LOXHD1: variants seen among roughly 807,000 people sequenced by gnomAD.
The protein encoded by LOXHD1 is lipoxygenase homology PLAT domains 1, also known as lipoxygenase homology domain-containing protein 1.
Under a neutral mutation model 248.2 loss-of-function variants are expected in LOXHD1, and 205 were observed. The ratio of observed to expected loss-of-function variants is 0.83; its 90% CI spans 0.74 to 0.93. LOXHD1 has a LOEUF of 0.93. LOXHD1 is among the 40% of genes least tolerant of loss of function. The probability of loss-of-function intolerance (pLI) is 0.00; values close to 1 mark genes in which losing one functional copy is unlikely to be tolerated. For missense variants in LOXHD1, 2,930 were observed against 2,971.6 expected (o/e 0.99, Z 0.33); for synonymous variants, 1,113 against 1,162.8 (o/e 0.96, Z 0.87).
chr18:46,550,379 C>T lies in LOXHD1; in HGVS notation c.3351-3321G>A, dbSNP rs1185281481. ...ATGAGGTCAGGAGATCGAGACCATCCTGGCTAACAAGGTGAAACCCCGTCT... is the reference window on the plus strand; with the variant it reads ...ATGAGGTCAGGAGATCGAGACCATCTTGGCTAACAAGGTGAAACCCCGTCT... On this transcript the variant is annotated intron_variant, in intron 21 of 40. Coordinates refer to ENST00000642948, the MANE Select transcript of LOXHD1 (RefSeq NM_001384474.1). 1.5e-4 allele frequency among the ~76,000 whole-genome samples: 23 copies of T among 151,812 alleles called. No individual in the cohort carries two copies. The East Asian group carries it at 4.3e-3, about 28-fold the overall frequency.
chr18:46,574,615 TAAAA>T (rs534992278), intron 14 of LOXHD1, among the ~76,000 whole-genome samples: 1 of 122,992 alleles, frequency 8.1e-6, no homozygotes, highest in African/African-American at 3.0e-5. Flanking sequence ...ACCCATTTTC[TAAAA>T]AAAAAAAAAA....
chr18:46,525,844 C>T (rs2035803261), intron 29 of LOXHD1, among the ~76,000 whole-genome samples: 1 of 152,124 alleles, frequency 6.6e-6, no homozygotes, highest in African/African-American at 2.4e-5. Flanking sequence ...CCCTCTGCCC[C>T]CAGGACCCCA....
chr18:46,642,033 G>C lies in LOXHD1; in HGVS notation c.249C>G (p.Ser83Arg). 2 of 1,552,172 alleles carry C rather than the reference G, an allele frequency of 1.3e-6. No individual in the cohort carries two copies. Among genetic ancestry groups the C allele is most frequent in the Non-Finnish European group, 1.7e-6 (2 of 1,147,032 alleles). Residue 83 changes from serine (S) to arginine (R), a missense_variant, in exon 3 of 41, where the codon AGC (serine) becomes AGG (arginine). Coordinates refer to ENST00000642948, the MANE Select transcript of LOXHD1 (RefSeq NM_001384474.1). ...LSPKLQLTSK[S>R]KSAFEKGNVD... The stretch of plus-strand genomic sequence containing the variant: ...CGTTGCCCTTCTCAAAGGCAGACTT[G>C]CTCCTGCAATGAACACGTGCAGTTA...
chr18:46,509,236 G>A (rs1035261787), intron 35 of LOXHD1, among the ~76,000 whole-genome samples: 4 of 152,102 alleles, frequency 2.6e-5, no homozygotes, highest in East Asian at 1.9e-4. Context: ...GGGTGCTGAC[G>A]GCCAAGCTCA....
intron 36 of LOXHD1, among the ~76,000 whole-genome samples, chr18:46,507,074 G>A (rs1054470994): frequency 2.6e-5 from 4 of 152,176 alleles, no homozygotes; most frequent in Admixed American, 6.5e-5. Context: ...GAGCGTCACC[G>A]CACTGCACTG....
chr18:46,501,788 GT>G (rs1379990690), intron 37 of LOXHD1, among the ~76,000 whole-genome samples: 1 of 152,140 alleles, frequency 6.6e-6, no homozygotes, highest in Non-Finnish European at 1.5e-5. Context: ...TAATTGATTT[GT>G]TAACAGAAAT....
chr18:46,608,418 A>C (rs969534713), intron 6 of LOXHD1, among the ~76,000 whole-genome samples: 3 of 152,200 alleles, frequency 2.0e-5, no homozygotes, highest in Admixed American at 2.0e-4. Flanking sequence ...CATGTGACCA[A>C]GAAGGAACCT....
chr18:46,560,052 T>TGCCCCCCCCCCC, intron 19 of LOXHD1, 31 bp downstream of exon 19: 2 of 441,126 alleles, frequency 4.5e-6, no homozygotes, highest in Non-Finnish European at 7.2e-6. Flanking sequence ...GGCCACTCCC[T>TGCCCCCCCCCCC]CCCCACCCCC....
In LOXHD1 at chr18:46,566,466, T is replaced by G. The variant is rs2037644146; in HGVS notation, c.2245-17A>C. 5.8e-6 allele frequency: 9 copies of G among 1,545,044 alleles called. No individual in the cohort carries two copies. The highest frequency in any genetic ancestry group is 7.9e-6 in the Non-Finnish European group (9 of 1,145,892). On this transcript the variant is annotated splice_polypyrimidine_tract_variant and intron_variant, in intron 16 of 40. Coordinates refer to ENST00000642948, the MANE Select transcript of LOXHD1 (RefSeq NM_001384474.1). The stretch of plus-strand genomic sequence containing the variant: ...CCGGTTGATCTGAAGGAAACCCGAG[T>G]GAGGGTGAGCAAGGAGCCAGTGTGT...
intron 8 of LOXHD1, among the ~76,000 whole-genome samples, chr18:46,595,805 T>C (rs750895971): frequency 2.6e-5 from 4 of 152,232 alleles, no homozygotes; most frequent in African/African-American, 4.8e-5. Flanking sequence ...CTTTCTTTCC[T>C]CTCAACAAAT....
chr18:46,510,019 G>A (rs1376424431), intron 34 of LOXHD1, among the ~76,000 whole-genome samples: 1 of 152,190 alleles, frequency 6.6e-6, no homozygotes, highest in African/African-American at 2.4e-5. Flanking sequence ...AGTTTGGCTA[G>A]TAGAAATGGC....
Position 46,639,015 on chromosome 18 carries a change from G to A in LOXHD1, c.511+601C>T, listed in dbSNP as rs201273847. ...GAAAAGCAAATATGTTCTGTGATGG[G>A]ATGAGATGAGGCCAGAACTTTGGGG... On this transcript the variant is annotated intron_variant, in intron 4 of 40. Coordinates refer to ENST00000642948, the MANE Select transcript of LOXHD1 (RefSeq NM_001384474.1). Among the ~76,000 whole-genome samples, 6 of 152,340 alleles carry A rather than the reference G, an allele frequency of 3.9e-5. No individual in the cohort carries two copies. In the East Asian group the frequency reaches 9.6e-4, roughly 24 times the overall value.
At chr18:46,525,064 C>T (rs555464460) in intron 29 of LOXHD1, 147 bp from the exon 30 acceptor site, 4 of 868,640 alleles carry the variant, frequency 4.6e-6, no homozygotes, top group East Asian at 5.3e-5. Flanking sequence ...CCCAAATCCC[C>T]AACACCGAGC....
chr18:46,532,832 T>G (rs369114434), intron 28 of LOXHD1, among the ~76,000 whole-genome samples: 1 of 152,208 alleles, frequency 6.6e-6, no homozygotes. Context: ...AAATGAATAG[T>G]AGGGAGAAAA....
chr18:46,627,524 A>G (rs931751826), intron 4 of LOXHD1, among the ~76,000 whole-genome samples: 1 of 152,242 alleles, frequency 6.6e-6, no homozygotes, highest in Non-Finnish European at 1.5e-5. Flanking sequence ...AACAGAAAAA[A>G]AAAGGCTATT....
chr18:46,489,938 G>A (rs1235623399), intron 37 of LOXHD1, among the ~76,000 whole-genome samples: 1 of 152,168 alleles, frequency 6.6e-6, no homozygotes. Context: ...ATTTCTTTTG[G>A]GTATGTTGCT....
chr18:46,476,998 CTG>C (rs1444051164), downstream of LOXHD1: 1 of 577,056 alleles, frequency 1.7e-6, no homozygotes, highest in Non-Finnish European at 3.1e-6. Flanking sequence ...TTTATTGAAA[CTG>C]GGGAAAAGTA....
chr18:46,511,656 C>T (rs2034968319), intron 34 of LOXHD1, among the ~76,000 whole-genome samples: 1 of 152,122 alleles, frequency 6.6e-6, no homozygotes, highest in Non-Finnish European at 1.5e-5. Context: ...TTTGGCATTG[C>T]TACAAAGCCC....
chr18:46,597,677 T>C lies in LOXHD1; in HGVS notation c.1135-3211A>G, dbSNP rs1315955225. Among the ~76,000 whole-genome samples the C allele has an allele frequency of 2.0e-5, 3 of 152,098 alleles. 1 individual carries two copies. Among genetic ancestry groups the C allele is most frequent in the Non-Finnish European group, 4.4e-5 (3 of 68,020 alleles). Reference sequence around the variant, plus strand: ...CTTTTAGGAAAGGACATACTTCTCATTTCACTCTAAAATCATAACCAATCG... The same window carrying C: ...CTTTTAGGAAAGGACATACTTCTCACTTCACTCTAAAATCATAACCAATCG... On this transcript the variant is annotated intron_variant, in intron 8 of 40. Coordinates refer to ENST00000642948, the MANE Select transcript of LOXHD1 (RefSeq NM_001384474.1).
Sources: allele counts gnomAD v4.1 joint callset (sites outside exome capture counted in the v4.1 genomes callset), GRCh38; gene constraint gnomAD v4.1.1; transcripts MANE v1.5; gene names NCBI Gene and HGNC (gene_info 2026-07-23, HGNC 2026-07-21).